NEK6: variants seen among roughly 807,000 people sequenced by gnomAD.
NEK6 encodes NIMA related kinase 6.
NEK6 carries 27 observed loss-of-function variants against 43.5 expected under a neutral mutation model. The ratio of observed to expected loss-of-function variants is 0.62; its 90% CI spans 0.46 to 0.86. NEK6 has a LOEUF of 0.86. Among genes scored for constraint, NEK6 ranks in the 40% least tolerant of loss-of-function variants. The pLI, the probability that NEK6 is intolerant of heterozygous loss-of-function variation, is 0.00. For missense variants in NEK6, 318 were observed against 414.4 expected (o/e 0.77, Z 2.02); for synonymous variants, 167 against 164.1 (o/e 1.02, Z -0.14).
chr9:124,273,903 C>T (rs1831550849), intron 1 of NEK6, among the ~76,000 whole-genome samples: 1 of 152,180 alleles, frequency 6.6e-6, no homozygotes, highest in Admixed American at 6.5e-5. Context: ...TAATAAGGCC[C>T]CAACGGAGGG....
At position 124,327,430 on chromosome 9, in the gene NEK6, G is replaced by A; in HGVS notation, c.607G>A (p.Ala203Thr). 6.2e-7 allele frequency: 1 copy of A among 1,612,584 alleles called. No individual in the cohort carries two copies. Among genetic ancestry groups the A allele is most frequent in the Non-Finnish European group, 8.5e-7 (1 of 1,179,798 alleles). The change falls in exon 7 of 10, where the codon GCA becomes ACA. Residue 203 changes from alanine (A) to threonine (T), a missense_variant. Physicochemically the swap from Ala to Thr is moderately conservative, Grantham distance 58 (BLOSUM62 0). This residue lies in a region of NEK6 where 239 missense variants were observed against 344.4 expected (regional missense o/e 0.69). Coordinates refer to ENST00000320246, the MANE Select transcript of NEK6 (RefSeq NM_014397.6). ...LGRFFSSETTAAHSLVGTPYY... is the reference protein window; with the variant it reads ...LGRFFSSETTTAHSLVGTPYY... ...CCGCTTCTTCAGCTCTGAGACCACC[G>A]CAGCCCACTCCCTAGGTAAGGGGGA...
intron 5 of NEK6, among the ~76,000 whole-genome samples, chr9:124,323,859 C>G (rs2130929852): frequency 1.3e-5 from 2 of 152,290 alleles, no homozygotes; most frequent in East Asian, 1.9e-4. Flanking sequence ...CTGTGCACCC[C>G]TTCCTTGGCT....
At chr9:124,317,782 TA>T (rs1564643098) in intron 4 of NEK6, among the ~76,000 whole-genome samples, 1 of 152,196 alleles carries the variant, frequency 6.6e-6, no homozygotes, top group Non-Finnish European at 1.5e-5. Context: ...GCAGTATAGA[TA>T]TGTTTCTGTG....
At chr9:124,264,045 C>T (rs746075864) in intron 1 of NEK6, among the ~76,000 whole-genome samples, 1 of 152,224 alleles carries the variant, frequency 6.6e-6, no homozygotes, top group African/African-American at 2.4e-5. Flanking sequence ...CAGGCCTGGC[C>T]GTGGGGCAGA....
rs796078902 is a variant in NEK6 at position 124,267,755 on chromosome 9, A to G, written c.-30+9670A>G. ...TCAGCAAGGGACGGCTGAGCACCAC[A>G]TGCCTTCTTGGCCCCTGGGGAAACA... On this transcript the variant is annotated intron_variant, in intron 1 of 9. Coordinates refer to ENST00000320246, the MANE Select transcript of NEK6 (RefSeq NM_014397.6). 1.2e-4 allele frequency among the ~76,000 whole-genome samples: 18 copies of G among 152,384 alleles called. No individual in the cohort carries two copies. The East Asian group carries it at 1.5e-3, about 13-fold the overall frequency.
intron 1 of NEK6, among the ~76,000 whole-genome samples, chr9:124,296,848 C>G (rs895860824): frequency 6.6e-6 from 1 of 152,208 alleles, no homozygotes. Flanking sequence ...TCCAAAAATT[C>G]AGAGGCAAGG....
At chr9:124,304,954 C>T (rs557654078) in intron 2 of NEK6, among the ~76,000 whole-genome samples, 12 of 152,314 alleles carry the variant, frequency 7.9e-5, no homozygotes, top group Non-Finnish European at 1.8e-4. Flanking sequence ...AGAGAGCTTT[C>T]ATTGGGAATG....
chr9:124,298,614 G>A lies in NEK6; in HGVS notation c.-29-3322G>A, dbSNP rs112980591. On this transcript the variant is annotated intron_variant, in intron 1 of 9. Transcript: ENST00000320246. ...AGTGGAGAGAGGGCCCATTCGGGGT[G>A]GAGCCAGCTGGAGAGATGATGGTGT... Among the ~76,000 whole-genome samples the A allele has an allele frequency of 9.7e-4, 148 of 152,220 alleles. 1 individual carries two copies. The highest frequency in any genetic ancestry group is 3.3e-3 in the African/African-American group (139 of 41,532).
At chr9:124,316,555 C>A (rs1259251566) in intron 4 of NEK6, among the ~76,000 whole-genome samples, 2 of 152,232 alleles carry the variant, frequency 1.3e-5, no homozygotes, top group Non-Finnish European at 2.9e-5. Flanking sequence ...TGTCCCTGAC[C>A]CAAGTGTGTC....
At position 124,326,177 on chromosome 9, in the gene NEK6, G is replaced by A. The variant is rs1450770431; in HGVS notation, c.406-153G>A. 6.6e-6 allele frequency among the ~76,000 whole-genome samples: 1 copy of A among 151,342 alleles called. No homozygotes were observed. The highest frequency in any genetic ancestry group is 1.5e-5 in the Non-Finnish European group (1 of 67,896). Reference sequence around the variant, plus strand: ...GTGGACACAGCACTCTTGGTTCTGGGCTTATTGTTTGCTCAGTGGCTCAAT... The same window carrying A: ...GTGGACACAGCACTCTTGGTTCTGGACTTATTGTTTGCTCAGTGGCTCAAT... On this transcript the variant is annotated intron_variant, in intron 5 of 9. Coordinates refer to ENST00000320246, the MANE Select transcript of NEK6 (RefSeq NM_014397.6). The surrounding 1 kb of genome is among the most constrained non-coding windows in gnomAD (Gnocchi z 4.5).
chr9:124,269,213 A>G lies in NEK6; in HGVS notation c.-30+11128A>G, dbSNP rs112729936. Among the ~76,000 whole-genome samples the G allele has an allele frequency of 6.7e-3, 1,013 of 152,160 alleles. 9 individuals carry two copies. The highest frequency in any genetic ancestry group is 0.023 in the African/African-American group (942 of 41,502). On this transcript the variant is annotated intron_variant, in intron 1 of 9. Transcript: ENST00000320246. ...GAAGCCCAGGGCAAGTCAGTGGTCC[A>G]CCCCAGACCCCACAGCTAGTGAGTG...
chr9:124,276,140 A>G (rs1362201277), intron 1 of NEK6, among the ~76,000 whole-genome samples: 10 of 152,116 alleles, frequency 6.6e-5, no homozygotes, highest in Non-Finnish European at 1.0e-4. Context: ...AGTGGGGAGC[A>G]GCCTGGAACA....
chr9:124,271,146 A>C (rs1831420274), intron 1 of NEK6, among the ~76,000 whole-genome samples: 1 of 152,240 alleles, frequency 6.6e-6, no homozygotes. Flanking sequence ...CCAAAGACAC[A>C]CCATGGTCAG....
chr9:124,278,223 G>A (rs1211798801), intron 1 of NEK6, among the ~76,000 whole-genome samples: 3 of 152,176 alleles, frequency 2.0e-5, no homozygotes, highest in African/African-American at 4.8e-5. Flanking sequence ...TGGGGGAGGC[G>A]AGACCGTCTG....
In NEK6 at chr9:124,350,930, T is replaced by G. The variant is rs1395201958; in HGVS notation, c.925T>G (p.Trp309Gly). 6.2e-7 allele frequency: 1 copy of G among 1,609,440 alleles called. No individual in the cohort carries two copies. The highest frequency in any genetic ancestry group is 8.5e-7 in the Non-Finnish European group (1 of 1,179,600). ...CCAGGTGGCCAAGCAGATGCACATC[T>G]GGATGTCCAGCACCTGAGCGTGGAT... ...VHQVAKQMHI[W>G]MSST Residue 309 changes from tryptophan to glycine, a missense_variant, in exon 10 of 10, where the codon TGG (tryptophan) becomes GGG (glycine). Physicochemically the swap from Trp to Gly is radical, Grantham distance 184. Transcript: ENST00000320246.
intron 2 of NEK6, among the ~76,000 whole-genome samples, chr9:124,312,050 A>G (rs546689660): frequency 6.6e-6 from 1 of 152,282 alleles, no homozygotes; most frequent in South Asian, 2.1e-4. Flanking sequence ...CAGGAAGGGA[A>G]CTTGCCATTT....
At chr9:124,336,107 G>A (rs1213561625) in intron 7 of NEK6, among the ~76,000 whole-genome samples, 1 of 152,130 alleles carries the variant, frequency 6.6e-6, no homozygotes, top group African/African-American at 2.4e-5. Context: ...GCATGGTGGT[G>A]TGCACCTGTG....
chr9:124,339,707 G>A, intron 8 of NEK6, 42 bp downstream of exon 8: 1 of 1,435,862 alleles, frequency 7.0e-7, no homozygotes, highest in East Asian at 2.3e-5. Context: ...GGTGGGACAT[G>A]CATGGGGGGT....
intron 1 of NEK6, chr9:124,262,727 A>G (rs1339871817): frequency 6.6e-6 from 1 of 152,226 alleles, no homozygotes; most frequent in Non-Finnish European, 1.5e-5. Context: ...CTGGATCTGC[A>G]CGGAGCCGTT....
Sources: gnomAD v4.1 joint callset for allele counts (sites outside exome capture counted in the v4.1 genomes callset) on GRCh38, gnomAD v4.1.1 for gene constraint, gnomAD v4.1.1 regional missense constraint, Gnocchi (gnomAD v3.1) non-coding constraint, MANE v1.5 for transcripts, NCBI Gene and HGNC (gene_info 2026-07-23, HGNC 2026-07-21) for gene names.